Variants in TENM4 observed in about 807,000 individuals in gnomAD.
TENM4 encodes teneurin-4.
In TENM4, 82 loss-of-function variants were observed where a neutral mutation model predicts 243.3. The ratio of observed to expected loss-of-function variants is 0.34; its 90% CI spans 0.28 to 0.40. TENM4 has a LOEUF of 0.40. Among genes scored for constraint, TENM4 ranks in the 10% least tolerant of loss-of-function variants. TENM4 has a pLI of 1.00. For missense variants in TENM4, 3,138 were observed against 3,673.3 expected, an observed-to-expected ratio of 0.85 and a Z score of 3.77; for synonymous variants, 1,412 against 1,456.3, an observed-to-expected ratio of 0.97 and a Z score of 0.69.
chr11:78,893,005 C>T (rs1443204532), intron 7 of TENM4, among the ~76,000 whole-genome samples: 1 of 152,234 alleles, frequency 6.6e-6, no homozygotes, highest in African/African-American at 2.4e-5. Flanking sequence ...CGTTAACATC[C>T]CTTGGGACAG....
intron 6 of TENM4, among the ~76,000 whole-genome samples, chr11:78,938,024 G>A (rs1856823126): frequency 6.6e-6 from 1 of 152,134 alleles, no homozygotes; most frequent in South Asian, 2.1e-4. Flanking sequence ...CAACCCCCAG[G>A]CTCACTTCTC....
At chr11:78,958,340 T>C (rs1282795482) in intron 6 of TENM4, among the ~76,000 whole-genome samples, 2 of 152,220 alleles carry the variant, frequency 1.3e-5, no homozygotes, top group African/African-American at 2.4e-5. Flanking sequence ...TCACGAAACA[T>C]TTAATATTTA....
At chr11:79,117,463 G>T (rs1861647223) in intron 4 of TENM4, among the ~76,000 whole-genome samples, 1 of 152,148 alleles carries the variant, frequency 6.6e-6, no homozygotes, top group African/African-American at 2.4e-5. Context: ...ATAGTAGCTG[G>T]GACTGGAAGG....
Position 79,062,423 on chromosome 11 carries a change from C to T in TENM4, c.493+2315G>A, listed in dbSNP as rs561177304. On this transcript the variant is annotated intron_variant, in intron 6 of 33. Coordinates refer to ENST00000278550, the MANE Select transcript of TENM4 (RefSeq NM_001098816.3). Reference sequence around the variant, plus strand: ...AAAAAGCGTTTATTAGAATACTGGTCCCACCAGATGCTCTGAGAATAAAAG... The same window carrying T: ...AAAAAGCGTTTATTAGAATACTGGTTCCACCAGATGCTCTGAGAATAAAAG... 2.7e-4 allele frequency among the ~76,000 whole-genome samples: 41 copies of T among 152,248 alleles called. No homozygotes were observed. In the South Asian group the frequency reaches 6.4e-3, roughly 24 times the overall value.
chr11:78,704,159 CTATATATA>C (rs56026926), intron 27 of TENM4, among the ~76,000 whole-genome samples: 2,096 of 106,006 alleles, frequency 0.02, 71 homozygotes, highest in African/African-American at 0.071. Context: ...GTATGTGTGT[CTATATATA>C]TATATATATA....
chr11:78,837,811 A>G (rs1213065494), intron 12 of TENM4, among the ~76,000 whole-genome samples: 2 of 152,224 alleles, frequency 1.3e-5, no homozygotes, highest in East Asian at 1.9e-4. Context: ...TTTAATGGCT[A>G]TATAATATTA....
At chr11:79,147,475 G>A (rs1862415638) in intron 4 of TENM4, among the ~76,000 whole-genome samples, 1 of 152,034 alleles carries the variant, frequency 6.6e-6, no homozygotes, top group Non-Finnish European at 1.5e-5. Flanking sequence ...GAGAAGTAGA[G>A]TTTTAACCTC....
At chr11:78,747,738 C>T (rs1263696920) in intron 19 of TENM4, among the ~76,000 whole-genome samples, 3 of 152,198 alleles carry the variant, frequency 2.0e-5, no homozygotes, top group African/African-American at 7.2e-5. Flanking sequence ...GTCTGCAAGG[C>T]CTGATCCTAT....
chr11:79,231,103 A>G (rs1488933613), intron 2 of TENM4, among the ~76,000 whole-genome samples: 1 of 152,248 alleles, frequency 6.6e-6, no homozygotes, highest in Admixed American at 6.5e-5. Context: ...ATTCTGCATA[A>G]CATAAAAGAA....
intron 6 of TENM4, among the ~76,000 whole-genome samples, chr11:79,002,789 T>G (rs1858366847): frequency 6.6e-6 from 1 of 152,204 alleles, no homozygotes; most frequent in African/African-American, 2.4e-5. Context: ...CAGCAATGAT[T>G]CTTAACCAGG....
intron 1 of TENM4, among the ~76,000 whole-genome samples, chr11:79,414,206 G>C (rs977178545): frequency 6.6e-6 from 1 of 151,506 alleles, no homozygotes; most frequent in Non-Finnish European, 1.5e-5. Context: ...GCACATGCAC[G>C]CACTGGAAAA....
At chr11:78,950,889 G>A (rs766427496) in intron 6 of TENM4, among the ~76,000 whole-genome samples, 8 of 152,230 alleles carry the variant, frequency 5.3e-5, no homozygotes, top group African/African-American at 7.2e-5. Flanking sequence ...CCTCCCAGCT[G>A]AGCAGACTCA....
chr11:79,123,339 T>G (rs1379689086), intron 4 of TENM4, among the ~76,000 whole-genome samples: 2 of 152,140 alleles, frequency 1.3e-5, no homozygotes, highest in African/African-American at 2.4e-5. Flanking sequence ...TTACGACAAC[T>G]TTCCCAAGGA....
chr11:79,025,622 G>GA (rs1189442041), intron 6 of TENM4, among the ~76,000 whole-genome samples: 1 of 152,206 alleles, frequency 6.6e-6, no homozygotes, highest in Non-Finnish European at 1.5e-5. Context: ...TGAGGTTGCA[G>GA]AAAGTAGCCT....
chr11:78,802,120 T>TG (rs990831013), intron 15 of TENM4, among the ~76,000 whole-genome samples: 3 of 152,230 alleles, frequency 2.0e-5, no homozygotes, highest in Admixed American at 2.0e-4. Context: ...GATAGTTTCT[T>TG]GGCTCTAGTG....
intron 3 of TENM4, among the ~76,000 whole-genome samples, chr11:79,168,472 G>T (rs1039654109): frequency 6.6e-6 from 1 of 152,102 alleles, no homozygotes; most frequent in South Asian, 2.1e-4. Context: ...AAAGTTGGCC[G>T]GGCAAAGAGT....
chr11:79,415,831 C>A (rs894838898), intron 1 of TENM4, among the ~76,000 whole-genome samples: 5 of 152,254 alleles, frequency 3.3e-5, no homozygotes, highest in Admixed American at 3.3e-4. Flanking sequence ...CCACTACAAT[C>A]AAAATAGTAA....
chr11:79,231,607 G>A (rs867305749), intron 2 of TENM4, among the ~76,000 whole-genome samples: 14 of 152,242 alleles, frequency 9.2e-5, no homozygotes, highest in African/African-American at 2.4e-4. Flanking sequence ...ACATCTCTGC[G>A]CTTCTGATGT....
chr11:79,382,733 C>T (rs1356016705), intron 1 of TENM4, among the ~76,000 whole-genome samples: 1 of 151,976 alleles, frequency 6.6e-6, no homozygotes, highest in Non-Finnish European at 1.5e-5. Flanking sequence ...CGAGAAGAGG[C>T]TGGGAGCCTC....
Sources: allele counts gnomAD v4.1 joint callset (sites outside exome capture counted in the v4.1 genomes callset), GRCh38; gene constraint gnomAD v4.1.1; transcripts MANE v1.5; gene names NCBI Gene and HGNC (gene_info 2026-07-23, HGNC 2026-07-21).